The following PTH2R variants were observed in gnomAD, a reference collection of about 807,000 sequenced individuals.
PTH2R encodes the protein PTH2 receptor.
Under a neutral mutation model 60.3 loss-of-function variants are expected in PTH2R, and 59 were observed. That is an observed-to-expected ratio of 0.98 (90% CI 0.79 to 1.22). PTH2R has a LOEUF of 1.22. PTH2R is among the 50% of genes most tolerant of loss of function. The pLI is 0.00. For synonymous variants in PTH2R, 256 were observed against 243.8 expected (o/e 1.05, Z -0.47); for missense variants, 749 against 682.6 (o/e 1.10, Z -1.08).
chr2:208,492,458 A>G (rs999281156), intron 12 of PTH2R, among the ~76,000 whole-genome samples: 1 of 152,182 alleles, frequency 6.6e-6, no homozygotes, highest in Non-Finnish European at 1.5e-5. Flanking sequence ...AGGGCTCAGT[A>G]GAGTCAAAGA....
At position 208,395,424 on chromosome 2, in the gene PTH2R, A is replaced by G. The variant is rs562377300; in HGVS notation, c.-258-32777A>G. 1.3e-4 allele frequency among the ~76,000 whole-genome samples: 20 copies of G among 152,198 alleles called. No individual in the cohort carries two copies. In the South Asian group the frequency reaches 3.7e-3, roughly 28 times the overall value. On this transcript the variant is annotated intron_variant, in intron 1 of 12. Transcript: ENST00000617735. ...AATGTGCCTCATGTAGAGGATGTCT[A>G]TTTCCACTAGGTGGTGGTGTTGGCT...
chr2:208,390,249 C>G (rs1281607036), intron 1 of PTH2R, among the ~76,000 whole-genome samples: 1 of 152,186 alleles, frequency 6.6e-6, no homozygotes, highest in Non-Finnish European at 1.5e-5. Context: ...TTTTTCCCAG[C>G]CTGAGGGTGT....
At chr2:208,473,887 C>T (rs539985752) in intron 9 of PTH2R, among the ~76,000 whole-genome samples, 9 of 151,852 alleles carry the variant, frequency 5.9e-5, no homozygotes, top group African/African-American at 1.5e-4. Context: ...CTGACAATAC[C>T]GGCACACAGA....
intron 1 of PTH2R, among the ~76,000 whole-genome samples, chr2:208,395,002 A>G (rs1037754949): frequency 2.6e-5 from 4 of 152,066 alleles, no homozygotes; most frequent in African/African-American, 9.7e-5. Flanking sequence ...TGCTAAAGGC[A>G]GAACTTCCCT....
chr2:208,480,994 AT>A (rs1374005781), intron 9 of PTH2R, 75 bp from the exon 10 acceptor site: 3 of 1,114,360 alleles, frequency 2.7e-6, no homozygotes, highest in Non-Finnish European at 3.9e-6. Flanking sequence ...AATGGAAAAA[AT>A]TTCAATTTAT....
intron 1 of PTH2R, among the ~76,000 whole-genome samples, chr2:208,425,061 C>A (rs764699753): frequency 6.6e-6 from 1 of 152,150 alleles, no homozygotes; most frequent in East Asian, 1.9e-4. Context: ...ATAAAAATTT[C>A]TAAAACTCTA....
chr2:208,364,989 T>C (rs935777596), intron 1 of PTH2R, among the ~76,000 whole-genome samples: 1 of 152,094 alleles, frequency 6.6e-6, no homozygotes, highest in African/African-American at 2.4e-5. Context: ...ATGTAACTGA[T>C]TTTTTGTATG....
At chr2:208,428,684 G>A (rs758162426) in intron 2 of PTH2R, among the ~76,000 whole-genome samples, 3 of 152,204 alleles carry the variant, frequency 2.0e-5, no homozygotes, top group Admixed American at 6.5e-5. Context: ...AAAATATGCA[G>A]TTCAAAATCT....
At chr2:208,477,922 CTAG>C (rs368847167) in intron 9 of PTH2R, among the ~76,000 whole-genome samples, 1 of 146,302 alleles carries the variant, frequency 6.8e-6, no homozygotes, top group Admixed American at 6.9e-5. Context: ...AGCACTACTA[CTAG>C]TACTAGCACT....
intron 1 of PTH2R, among the ~76,000 whole-genome samples, chr2:208,378,478 T>C (rs565854521): frequency 6.6e-6 from 1 of 152,194 alleles, no homozygotes; most frequent in South Asian, 2.1e-4. Context: ...CCAAAATTCA[T>C]AGGTTGAAAT....
intron 1 of PTH2R, among the ~76,000 whole-genome samples, chr2:208,365,395 G>C (rs981250857): frequency 3.3e-5 from 5 of 151,966 alleles, no homozygotes; most frequent in African/African-American, 1.2e-4. Context: ...GTGTGTGAAA[G>C]GATATTGAAT....
intron 9 of PTH2R, among the ~76,000 whole-genome samples, chr2:208,478,272 TA>T (rs929341009): frequency 1.3e-5 from 2 of 152,184 alleles, no homozygotes; most frequent in Non-Finnish European, 2.9e-5. Flanking sequence ...TTTAGTGGCT[TA>T]AAAGAACATG....
chr2:208,433,537 T>G (rs1702014618), intron 2 of PTH2R, among the ~76,000 whole-genome samples: 1 of 152,136 alleles, frequency 6.6e-6, no homozygotes, highest in African/African-American at 2.4e-5. Context: ...AGATTAACTA[T>G]TGCAAAATAT....
rs561355597 is a variant in PTH2R, at chr2:208,427,738, T to G, written c.76-463T>G. Among the ~76,000 whole-genome samples, 25 of 152,198 alleles carry G rather than the reference T, an allele frequency of 1.6e-4. No individual in the cohort carries two copies. In the East Asian group the frequency reaches 4.6e-3, roughly 28 times the overall value. Reference sequence around the variant, plus strand: ...TGATAAATACAGATGGTTTCTTCTTTAAGGTTCTGTTCCTCTGGAACCAAC... The same window carrying G: ...TGATAAATACAGATGGTTTCTTCTTGAAGGTTCTGTTCCTCTGGAACCAAC... On this transcript the variant is annotated intron_variant, in intron 1 of 12. Transcript: ENST00000272847.
intron 1 of PTH2R, among the ~76,000 whole-genome samples, chr2:208,424,942 A>G (rs765474607): frequency 6.6e-6 from 1 of 152,216 alleles, no homozygotes; most frequent in Non-Finnish European, 1.5e-5. Context: ...TATTTTGTAC[A>G]ATGATTTTGA....
intron 7 of PTH2R, 34 bp downstream of exon 7, chr2:208,444,921 G>C: frequency 6.3e-7 from 1 of 1,579,948 alleles, no homozygotes; most frequent in Non-Finnish European, 8.6e-7. Flanking sequence ...CTTTCAAACT[G>C]GATGATGCAT....
chr2:208,390,430 G>A (rs184042564), intron 1 of PTH2R, among the ~76,000 whole-genome samples: 347 of 152,228 alleles, frequency 2.3e-3, no homozygotes, highest in Middle Eastern at 3.4e-3. Flanking sequence ...GATGAGTTCC[G>A]GGTCACTGTA....
chr2:208,424,727 G>T (rs1701823820), intron 1 of PTH2R, among the ~76,000 whole-genome samples: 1 of 152,178 alleles, frequency 6.6e-6, no homozygotes, highest in African/African-American at 2.4e-5. Flanking sequence ...CTGACCTGGA[G>T]AAAGTGGCTC....
At chr2:208,412,634 G>A (rs758184782) in intron 1 of PTH2R, among the ~76,000 whole-genome samples, 1 of 152,322 alleles carries the variant, frequency 6.6e-6, no homozygotes, top group Non-Finnish European at 1.5e-5. Flanking sequence ...TAGGACACCT[G>A]GCTGTAGTCC....
Sources: gnomAD v4.1 joint callset for allele counts (sites outside exome capture counted in the v4.1 genomes callset) on GRCh38, gnomAD v4.1.1 for gene constraint, MANE v1.5 for transcripts, NCBI Gene and HGNC (gene_info 2026-07-23, HGNC 2026-07-21) for gene names.